The following ABHD12 variants were observed in gnomAD, a reference collection of about 807,000 sequenced individuals.
ABHD12 encodes the protein lysophosphatidylserine lipase ABHD12.
ABHD12 carries 43 observed loss-of-function variants against 58.3 expected under a neutral mutation model. The observed-to-expected ratio is 0.74, with a 90% CI of 0.58 to 0.95. ABHD12 has a LOEUF of 0.95. ABHD12 is among the 40% of genes least tolerant of loss of function. The probability of loss-of-function intolerance (pLI) is 0.00; values close to 1 mark genes in which losing one functional copy is unlikely to be tolerated. For missense variants in ABHD12, 539 were observed against 537.2 expected, an observed-to-expected ratio of 1.00 and a Z score of -0.03; for synonymous variants, 219 against 211.2, an observed-to-expected ratio of 1.04 and a Z score of -0.32.
intron 1 of ABHD12, chr20:25,339,787 T>C: frequency 8.0e-7 from 1 of 1,246,996 alleles, no homozygotes; most frequent in South Asian, 1.4e-5. Context: ...TAGCTCCTGG[T>C]AGGAAGCACG....
chr20:25,380,590 G>A (rs2090011111), intron 1 of ABHD12, among the ~76,000 whole-genome samples: 1 of 151,790 alleles, frequency 6.6e-6, no homozygotes, highest in Non-Finnish European at 1.5e-5. Flanking sequence ...TCCCACCACT[G>A]CAGTAAGCCA....
chr20:25,368,641 T>G (rs1390641945), intron 1 of ABHD12: 2 of 1,373,572 alleles, frequency 1.5e-6, no homozygotes. Context: ...AAATCCTTTC[T>G]CGCCAGTGCT....
In ABHD12 at chr20:25,390,563, C is replaced by G; in HGVS notation, c.141G>C (p.Ala47=). 6.8e-7 allele frequency: 1 copy of G among 1,479,324 alleles called. No homozygotes were observed. Among genetic ancestry groups the G allele is most frequent in the Non-Finnish European group, 8.9e-7 (1 of 1,122,008 alleles). 91.6% of individuals were successfully genotyped at this position (1,479,324 alleles called of 1,614,324 possible). Residue 47 remains alanine (A), a synonymous_variant, in exon 1 of 13, where the codon GCG becomes GCC. Coordinates refer to ENST00000339157, the MANE Select transcript of ABHD12 (RefSeq NM_001042472.3). ...KQNLRLTGPA[A]AEPRCAADAG... is the part of the protein sequence containing the mutation. ...CGTCGGCTGCGCAGCGCGGCTCAGC[C>G]GCCGCCGGGCCCGTCAGGCGTAGGT... is the stretch of plus-strand genomic sequence containing the variant.
chr20:25,298,326 C>A (rs1436172492), downstream of ABHD12, among the ~76,000 whole-genome samples: 1 of 152,010 alleles, frequency 6.6e-6, no homozygotes, highest in Admixed American at 6.6e-5. Context: ...AGTGCAGTGG[C>A]ACGGTCTTGG....
chr20:25,323,515 G>A lies in ABHD12; in HGVS notation c.317-85C>T. 6.1e-5 allele frequency: 51 copies of A among 835,886 alleles called. 2 individuals carry two copies. The South Asian group carries it at 6.3e-4, about 10-fold the overall frequency. The allele number at this position is 835,886 out of a possible 1,614,324, so 51.8% of individuals were successfully genotyped here. On this transcript the variant is annotated intron_variant, in intron 2 of 12. Coordinates refer to ENST00000339157, the MANE Select transcript of ABHD12 (RefSeq NM_001042472.3). ...CACAAACATGCATACTCACACACGT[G>A]CACAGATATGCATCCACACGTGCAC...
chr20:25,313,013 G>A (rs1302940025), intron 6 of ABHD12, among the ~76,000 whole-genome samples: 2 of 149,996 alleles, frequency 1.3e-5, no homozygotes, highest in Non-Finnish European at 3.0e-5. Context: ...GGTGGGGGGC[G>A]CCTCTGCCCG....
chr20:25,323,189 T>G (rs2089112269), intron 3 of ABHD12, 136 bp downstream of exon 3: 1 of 723,732 alleles, frequency 1.4e-6, no homozygotes, highest in Non-Finnish European at 2.6e-6. Flanking sequence ...TGTACTGAGA[T>G]CTTTCCTTTA....
Position 25,308,369 on chromosome 20 carries a change from T to C in ABHD12, c.787+88A>G, listed in dbSNP as rs543728546. The C allele has an allele frequency of 2.7e-6, 4 of 1,506,556 alleles. No individual in the cohort carries two copies. The South Asian group carries it at 4.7e-5, about 18-fold the overall frequency. The allele number at this position is 1,506,556 out of a possible 1,614,324, so 93.3% of individuals were successfully genotyped here. On this transcript the variant is annotated intron_variant, in intron 8 of 12. Coordinates refer to ENST00000339157, the MANE Select transcript of ABHD12 (RefSeq NM_001042472.3). ...AGAATGTGCAGCTCATGCTGCTCCA[T>C]GAGGACGCTGAGCACTTGCAGCAGG... is the stretch of plus-strand genomic sequence containing the variant.
At chr20:25,356,770 C>A (rs1020669509) in intron 1 of ABHD12, among the ~76,000 whole-genome samples, 1 of 152,130 alleles carries the variant, frequency 6.6e-6, no homozygotes, top group Non-Finnish European at 1.5e-5. Context: ...CCCTAATGGG[C>A]TGCTGTGCAT....
intron 1 of ABHD12, among the ~76,000 whole-genome samples, chr20:25,379,101 C>T (rs1348987454): frequency 6.6e-6 from 1 of 152,196 alleles, no homozygotes; most frequent in Non-Finnish European, 1.5e-5. Flanking sequence ...CGCCCACCTT[C>T]GTCTCAAACC....
intron 1 of ABHD12, among the ~76,000 whole-genome samples, chr20:25,388,958 C>T (rs1359029799): frequency 6.6e-6 from 1 of 151,940 alleles, no homozygotes; most frequent in African/African-American, 2.4e-5. Flanking sequence ...GCATATGCGC[C>T]ACCACGCCCG....
intron 1 of ABHD12, among the ~76,000 whole-genome samples, chr20:25,372,038 G>C (rs1350099801): frequency 6.6e-6 from 1 of 151,986 alleles, no homozygotes; most frequent in Non-Finnish European, 1.5e-5. Flanking sequence ...ATCTTTCTCT[G>C]TCACCTAGGC....
intron 1 of ABHD12, among the ~76,000 whole-genome samples, chr20:25,389,085 C>A (rs1172872003): frequency 4.6e-5 from 7 of 151,970 alleles, no homozygotes; most frequent in Non-Finnish European, 7.4e-5. Context: ...GCATTACAGG[C>A]GTGAGCCACC....
At chr20:25,341,218 C>T (rs1203937088) in intron 1 of ABHD12, among the ~76,000 whole-genome samples, 1 of 152,208 alleles carries the variant, frequency 6.6e-6, no homozygotes, top group Non-Finnish European at 1.5e-5. Context: ...TAATCAAGCA[C>T]AAGGGCCATG....
chr20:25,299,581 C>CG (rs1443913353), downstream of ABHD12, among the ~76,000 whole-genome samples: 4 of 152,048 alleles, frequency 2.6e-5, no homozygotes, highest in Admixed American at 2.6e-4. Flanking sequence ...AAGTGTGCGA[C>CG]GAGGCCAGGA....
At chr20:25,329,172 C>T (rs1471696546) in intron 2 of ABHD12, among the ~76,000 whole-genome samples, 1 of 152,202 alleles carries the variant, frequency 6.6e-6, no homozygotes, top group African/African-American at 2.4e-5. Flanking sequence ...CTGGAGTCCA[C>T]CCTGCCCAGG....
chr20:25,365,727 T>C (rs1311179059), intron 1 of ABHD12, among the ~76,000 whole-genome samples: 1 of 152,234 alleles, frequency 6.6e-6, no homozygotes, highest in African/African-American at 2.4e-5. Context: ...AGAAATGGCA[T>C]CTTGGTGTAG....
chr20:25,338,428 C>T (rs749375784), intron 2 of ABHD12, among the ~76,000 whole-genome samples: 4 of 152,218 alleles, frequency 2.6e-5, no homozygotes, highest in African/African-American at 4.8e-5. Context: ...CCACCGTGTG[C>T]GAGCCCCGTT....
At chr20:25,338,064 A>G (rs2089401935) in intron 2 of ABHD12, among the ~76,000 whole-genome samples, 1 of 152,182 alleles carries the variant, frequency 6.6e-6, no homozygotes, top group Non-Finnish European at 1.5e-5. Context: ...AACAAAAACA[A>G]AGAAACAGAA....
Sources: gnomAD v4.1 joint callset for allele counts (sites outside exome capture counted in the v4.1 genomes callset) on GRCh38, gnomAD v4.1.1 for gene constraint, MANE v1.5 for transcripts, NCBI Gene and HGNC (gene_info 2026-07-23, HGNC 2026-07-21) for gene names.